Variants in CENPE observed in about 807,000 individuals in gnomAD.
The protein encoded by CENPE is centromere-associated protein E.
Under a neutral mutation model 336.1 loss-of-function variants are expected in CENPE, and 145 were observed. That is an observed-to-expected ratio of 0.43 (90% CI 0.38 to 0.50). The LOEUF (loss-of-function observed/expected upper bound fraction) is 0.50. Among genes scored for constraint, CENPE ranks in the 20% least tolerant of loss-of-function variants. The pLI, the probability that CENPE is intolerant of heterozygous loss-of-function variation, is 0.00. For missense variants in CENPE, 2,719 were observed against 3,023.3 expected, an observed-to-expected ratio of 0.90 and a Z score of 2.36; for synonymous variants, 1,013 against 984.8, an observed-to-expected ratio of 1.03 and a Z score of -0.54.
chr4:103,183,650 C>T (rs1210059673), intron 9 of CENPE, among the ~76,000 whole-genome samples: 2 of 151,970 alleles, frequency 1.3e-5, no homozygotes, highest in Non-Finnish European at 2.9e-5. Context: ...CCAAATTAGC[C>T]TCTAATTTCT....
rs142988615 is a variant in CENPE at position 103,183,995 on chromosome 4, G to T, written c.746-707C>A. Among the ~76,000 whole-genome samples, 182 of 151,936 alleles carry T rather than the reference G, an allele frequency of 1.2e-3. 1 individual carries two copies. The highest frequency in any genetic ancestry group is 3.4e-3 in the Middle Eastern group (1 of 294). On this transcript the variant is annotated intron_variant, in intron 9 of 48. Coordinates refer to ENST00000265148, the MANE Select transcript of CENPE (RefSeq NM_001813.3). ...TTTAAAGTATAAAATTCCATTTTAC[G>T]GCTGCATCAGACTTCATTCACCCAC...
chr4:103,113,125 TGTGTATATATACTTATAAGTATATAA>T (rs758554983), intron 46 of CENPE, among the ~76,000 whole-genome samples: 28,805 of 107,452 alleles, frequency 0.27, 5,598 homozygotes, highest in Middle Eastern at 0.39. Context: ...TATAAGTATA[TGTGTATATATACTTATAAGTATATAA>T]GTGTATATAT....
intron 12 of CENPE, 28 bp from the exon 13 acceptor site, chr4:103,180,497 A>G (rs1460808415): frequency 1.3e-6 from 2 of 1,520,734 alleles, no homozygotes; most frequent in Non-Finnish European, 1.8e-6. Flanking sequence ...GGATTATGTT[A>G]ATAATAAATG....
rs554424059 is a variant in CENPE, at chr4:103,141,561, T to C, written c.5463+189A>G. On this transcript the variant is annotated intron_variant, in intron 35 of 48. Transcript: ENST00000265148. ...ACATTCTTGTGTCTTTTTATAGAAG[T>C]ATGTACGTACTCTTTTCTCTTATGT... Among the ~76,000 whole-genome samples, 9 of 152,304 alleles carry C rather than the reference T, an allele frequency of 5.9e-5. 1 individual carries two copies. In the South Asian group the frequency reaches 1.9e-3, roughly 32 times the overall value.
intron 9 of CENPE, among the ~76,000 whole-genome samples, chr4:103,183,659 C>T (rs1756508131): frequency 6.6e-6 from 1 of 151,992 alleles, no homozygotes; most frequent in African/African-American, 2.4e-5. Flanking sequence ...CCTCTAATTT[C>T]TTATTTTTAA....
chr4:103,153,271 A>C, intron 24 of CENPE, 21 bp from the exon 25 acceptor site: 1 of 1,528,052 alleles, frequency 6.5e-7, no homozygotes, highest in Non-Finnish European at 8.9e-7. Context: ...AACACATTAC[A>C]GAAGAATTTC....
intron 46 of CENPE, among the ~76,000 whole-genome samples, chr4:103,112,170 G>C (rs532718456): frequency 6.7e-6 from 1 of 149,736 alleles, no homozygotes; most frequent in East Asian, 2.0e-4. Flanking sequence ...ATATATATGT[G>C]TATACACTTA....
chr4:103,154,382 T>C (rs559987926), intron 24 of CENPE, among the ~76,000 whole-genome samples: 1 of 152,188 alleles, frequency 6.6e-6, no homozygotes, highest in East Asian at 1.9e-4. Context: ...TTAGATCATA[T>C]GTATTTTCAC....
chr4:103,156,847 A>G (rs938239098), intron 24 of CENPE, among the ~76,000 whole-genome samples: 3 of 152,086 alleles, frequency 2.0e-5, no homozygotes, highest in African/African-American at 7.2e-5. Context: ...ATAAAGGGGT[A>G]ATATTCAGAA....
intron 28 of CENPE, 77 bp downstream of exon 28, chr4:103,148,767 C>T: frequency 7.3e-7 from 1 of 1,371,680 alleles, no homozygotes; most frequent in Non-Finnish European, 1.0e-6. Flanking sequence ...ATCCTAGCTA[C>T]TTCTTACTGC....
intron 15 of CENPE, 85 bp from the exon 16 acceptor site, chr4:103,174,988 TACTTTA>T (rs1028978936): frequency 1.3e-5 from 10 of 779,674 alleles, no homozygotes; most frequent in African/African-American, 1.9e-5. Context: ...TTTAAATAAC[TACTTTA>T]ACTTTGATTT....
intron 47 of CENPE, 141 bp from the exon 48 acceptor site, chr4:103,109,230 A>G (rs368899440): frequency 4.3e-6 from 3 of 701,760 alleles, no homozygotes; most frequent in African/African-American, 3.7e-5. Context: ...TTTACATTTT[A>G]ATTTCAACCT....
At chr4:103,188,615 C>T (rs1757013958) in intron 8 of CENPE, among the ~76,000 whole-genome samples, 2 of 152,084 alleles carry the variant, frequency 1.3e-5, no homozygotes, top group African/African-American at 4.8e-5. Context: ...ACACAACATA[C>T]CAGAATCTCT....
chr4:103,187,465 C>G (rs967833920), intron 8 of CENPE, among the ~76,000 whole-genome samples: 3 of 152,072 alleles, frequency 2.0e-5, no homozygotes, highest in African/African-American at 7.3e-5. Flanking sequence ...AGAAACTCTA[C>G]AAGCCAGAAG....
chr4:103,161,453 C>G lies in CENPE; in HGVS notation c.1847G>C (p.Ser616Thr), dbSNP rs144782566. 6.3e-7 allele frequency: 1 copy of G among 1,579,636 alleles called. No homozygotes were observed. Among genetic ancestry groups the G allele is most frequent in the South Asian group, 1.2e-5 (1 of 83,112 alleles). The change falls in exon 19 of 49, where the codon AGC becomes ACC. Residue 616 changes from serine to threonine, a missense_variant. Around this residue, in one of 5 missense-constraint regions of CENPE, gnomAD observed 2,437 missense variants for 2,513.3 expected, o/e 0.97. Transcript: ENST00000265148. ...CTTCATTTGTTTTGGGTCTTCAATG[C>G]TTTCCTAGACAGATGACAAAAGGGG... ...IKMDLSYSLE[S>T]IEDPKQMKQT...
intron 9 of CENPE, among the ~76,000 whole-genome samples, chr4:103,184,875 G>A (rs1250312429): frequency 6.6e-6 from 1 of 152,050 alleles, no homozygotes; most frequent in African/African-American, 2.4e-5. Flanking sequence ...ATGTACTCTT[G>A]ATAGTCTTAT....
intron 16 of CENPE, among the ~76,000 whole-genome samples, chr4:103,165,755 G>C (rs1463626027): frequency 2.6e-5 from 4 of 151,870 alleles, no homozygotes; most frequent in Non-Finnish European, 5.9e-5. Context: ...AGGCCGAGGC[G>C]AGCAGATCAC....
At chr4:103,114,592 T>C (rs1026960022) in intron 45 of CENPE, 40 bp from the exon 46 acceptor site, 1 of 1,299,054 alleles carries the variant, frequency 7.7e-7, no homozygotes, top group South Asian at 1.2e-5. Flanking sequence ...GCTCAGCAAC[T>C]GATTTTTTAC....
At position 103,172,781 on chromosome 4, in the gene CENPE, T is replaced by A. The variant is rs1224358839; in HGVS notation, c.1647+1955A>T. 2.6e-5 allele frequency among the ~76,000 whole-genome samples: 4 copies of A among 151,688 alleles called. No individual in the cohort carries two copies. In the South Asian group the frequency reaches 8.3e-4, roughly 32 times the overall value. ...AAAATCAACATAAAAAAAAGTAGTATCTCTATATGTTAATGGCAAACTATC... is the reference window on the plus strand; with the variant it reads ...AAAATCAACATAAAAAAAAGTAGTAACTCTATATGTTAATGGCAAACTATC... On this transcript the variant is annotated intron_variant, in intron 16 of 48. Transcript: ENST00000265148.
Sources: gnomAD v4.1 joint callset for allele counts (sites outside exome capture counted in the v4.1 genomes callset) on GRCh38, gnomAD v4.1.1 for gene constraint, gnomAD v4.1.1 regional missense constraint, MANE v1.5 for transcripts, NCBI Gene and HGNC (gene_info 2026-07-23, HGNC 2026-07-21) for gene names.